The following NRXN3 variants were observed in gnomAD, a reference collection of about 807,000 sequenced individuals.
The protein encoded by NRXN3 is neurexin III.
Under a neutral mutation model 137.6 loss-of-function variants are expected in NRXN3, and 32 were observed. The observed-to-expected ratio is 0.23, with a 90% CI of 0.18 to 0.31. The LOEUF is 0.31. Ranked by LOEUF, NRXN3 falls within the 10% of genes least tolerant of loss-of-function variation. The probability of loss-of-function intolerance (pLI) is 1.00; values close to 1 mark genes in which losing one functional copy is unlikely to be tolerated. For missense variants in NRXN3, 1,574 were observed against 2,062.5 expected (o/e 0.76, Z 4.59); for synonymous variants, 798 against 784.5 (o/e 1.02, Z -0.29).
rs529919003 is a variant in NRXN3, at chr14:79,818,560, A to AAAC, written c.4093+13385_4093+13387dup. On this transcript the variant is annotated intron_variant, in intron 20 of 20. Coordinates refer to ENST00000335750, the MANE Select transcript of NRXN3 (RefSeq NM_001330195.2). ...GGTGTTACAGCTAAAAGAAAGCAAA[A>AAAC]AACAACAACAACAACAAAACGAACT... Among the ~76,000 whole-genome samples the AAAC allele has an allele frequency of 2.2e-3, 336 of 152,090 alleles. 11 individuals are homozygous for AAAC. The East Asian group carries it at 0.043, about 20-fold the overall frequency.
chr14:78,997,721 G>A (rs777014708), intron 15 of NRXN3, among the ~76,000 whole-genome samples: 1 of 152,194 alleles, frequency 6.6e-6, no homozygotes, highest in Non-Finnish European at 1.5e-5. Flanking sequence ...TATCACAAAT[G>A]CTTATACCCA....
intron 1 of NRXN3, among the ~76,000 whole-genome samples, chr14:78,220,911 C>G (rs2063789250): frequency 2.0e-5 from 3 of 151,720 alleles, no homozygotes; most frequent in African/African-American, 7.3e-5. Context: ...CCTGTGGCAT[C>G]TGAATGAGGA....
At chr14:79,605,136 A>G (rs1395632253) in intron 16 of NRXN3, among the ~76,000 whole-genome samples, 1 of 152,222 alleles carries the variant, frequency 6.6e-6, no homozygotes, top group Non-Finnish European at 1.5e-5. Context: ...ATCATGGCTC[A>G]GCATTTTTCT....
At chr14:78,539,618 TC>T (rs1156431557) in intron 4 of NRXN3, among the ~76,000 whole-genome samples, 1 of 152,094 alleles carries the variant, frequency 6.6e-6, no homozygotes, top group Non-Finnish European at 1.5e-5. Context: ...TTTCAGTTCT[TC>T]CCTGATCTTA....
At chr14:78,639,492 AG>A (rs1484770958) in intron 4 of NRXN3, among the ~76,000 whole-genome samples, 2 of 152,138 alleles carry the variant, frequency 1.3e-5, no homozygotes, top group Non-Finnish European at 2.9e-5. Flanking sequence ...TCTCTGTTGG[AG>A]GTAAAGAGTG....
intron 4 of NRXN3, among the ~76,000 whole-genome samples, chr14:78,479,195 C>T (rs917874117): frequency 1.3e-5 from 2 of 152,150 alleles, no homozygotes; most frequent in African/African-American, 4.8e-5. Context: ...AGGACCTTCC[C>T]CCACCTGCTC....
At chr14:79,754,955 A>G (rs777040873) in intron 19 of NRXN3, among the ~76,000 whole-genome samples, 14 of 152,236 alleles carry the variant, frequency 9.2e-5, no homozygotes, top group African/African-American at 3.4e-4. Flanking sequence ...ATCTTCTGCC[A>G]TAATTGTAAG....
chr14:79,394,597 A>T (rs2094958355), intron 15 of NRXN3, among the ~76,000 whole-genome samples: 1 of 152,030 alleles, frequency 6.6e-6, no homozygotes, highest in Non-Finnish European at 1.5e-5. Context: ...TTACCAAGGA[A>T]GCATTTTAAA....
In NRXN3 at chr14:78,393,986, G is replaced by T. The variant is rs775310538; in HGVS notation, c.757+96126G>T. On this transcript the variant is annotated intron_variant, in intron 4 of 20. Coordinates refer to ENST00000335750, the MANE Select transcript of NRXN3 (RefSeq NM_001330195.2). ...CTGAACTCACATATTGGTTCTATGT[G>T]TGTGTGTGTATGTGTAGATTACTTG... Among the ~76,000 whole-genome samples the T allele has an allele frequency of 2.0e-5, 3 of 151,978 alleles. No homozygotes were observed. In the East Asian group the frequency reaches 5.8e-4, roughly 29 times the overall value.
At chr14:78,672,530 A>T (rs570809842) in intron 6 of NRXN3, among the ~76,000 whole-genome samples, 17 of 152,336 alleles carry the variant, frequency 1.1e-4, no homozygotes, top group African/African-American at 3.8e-4. Flanking sequence ...AATGACAAAG[A>T]GAATCAGGTC....
chr14:79,349,587 C>G (rs577862458), intron 15 of NRXN3, among the ~76,000 whole-genome samples: 10 of 127,294 alleles, frequency 7.9e-5, no homozygotes, highest in African/African-American at 1.8e-4. Context: ...CACACACACA[C>G]AGACAATATT....
At chr14:79,695,071 T>C (rs913195513) in intron 18 of NRXN3, among the ~76,000 whole-genome samples, 2 of 151,922 alleles carry the variant, frequency 1.3e-5, no homozygotes, top group African/African-American at 4.8e-5. Context: ...AGTTTAAATC[T>C]TGTAGCCCAG....
At chr14:79,426,900 CT>C (rs2095662130) in intron 15 of NRXN3, among the ~76,000 whole-genome samples, 1 of 152,118 alleles carries the variant, frequency 6.6e-6, no homozygotes, top group South Asian at 2.1e-4. Flanking sequence ...GAATTCTCCC[CT>C]GGGTGTTTTA....
intron 16 of NRXN3, among the ~76,000 whole-genome samples, chr14:79,485,080 G>A (rs1389918526): frequency 6.6e-6 from 1 of 151,910 alleles, no homozygotes; most frequent in Admixed American, 6.6e-5. Flanking sequence ...CAATATTGAT[G>A]TGTCGTGATT....
At chr14:78,457,631 G>C (rs2094786469) in intron 4 of NRXN3, among the ~76,000 whole-genome samples, 1 of 152,142 alleles carries the variant, frequency 6.6e-6, no homozygotes, top group South Asian at 2.1e-4. Context: ...AAACTGTGAA[G>C]GGTCTGAGAC....
intron 6 of NRXN3, among the ~76,000 whole-genome samples, chr14:78,669,893 T>G (rs8009134): frequency 0.53 from 80,050 of 151,754 alleles, 24,509 homozygotes; most frequent in African/African-American, 0.86. Flanking sequence ...TAAGTTCTGG[T>G]TTACATGTGC....
At chr14:79,635,620 TTTG>T (rs1333023556) in intron 16 of NRXN3, among the ~76,000 whole-genome samples, 1 of 152,196 alleles carries the variant, frequency 6.6e-6, no homozygotes, top group Non-Finnish European at 1.5e-5. Context: ...GCCATCCACC[TTTG>T]GTGTTCCTTG....
intron 1 of NRXN3, among the ~76,000 whole-genome samples, chr14:78,210,705 G>A (rs968886767): frequency 1.3e-4 from 20 of 151,932 alleles, no homozygotes; most frequent in African/African-American, 4.6e-4. Flanking sequence ...AGGCAACCAC[G>A]ATGTAGTTTT....
chr14:79,652,608 C>T (rs1229186462), intron 16 of NRXN3, among the ~76,000 whole-genome samples: 1 of 152,106 alleles, frequency 6.6e-6, no homozygotes, highest in African/African-American at 2.4e-5. Context: ...ATCGAAAGAG[C>T]ACATAGCTTT....
Sources: gnomAD v4.1 joint callset for allele counts (sites outside exome capture counted in the v4.1 genomes callset) on GRCh38, gnomAD v4.1.1 for gene constraint, MANE v1.5 for transcripts, NCBI Gene and HGNC (gene_info 2026-07-23, HGNC 2026-07-21) for gene names.